The following CD99L2 variants were observed in gnomAD, a reference collection of about 807,000 sequenced individuals.
CD99L2 encodes CD99 antigen-like protein 2.
In CD99L2, 24 loss-of-function variants were observed where a neutral mutation model predicts 27.3. The observed-to-expected ratio is 0.88, with a 90% CI of 0.64 to 1.24. The LOEUF is 1.24. CD99L2 is among the 50% of genes most tolerant of loss of function. The pLI is 0.00. For missense variants in CD99L2, 255 were observed against 221.6 expected, an observed-to-expected ratio of 1.15 and a Z score of -0.96; for synonymous variants, 97 against 87.9, an observed-to-expected ratio of 1.10 and a Z score of -0.58.
rs941555347 is a variant in CD99L2, at chrX:150,873,767, T to C, written c.67+24755A>G. ...GGAGCCAAGCACCCAGAGCATGAGATGGGGAAGAGATGAGTCACATGCCTG... is the reference window on the plus strand; with the variant it reads ...GGAGCCAAGCACCCAGAGCATGAGACGGGGAAGAGATGAGTCACATGCCTG... On this transcript the variant is annotated intron_variant, in intron 1 of 10. Coordinates refer to ENST00000370377, the MANE Select transcript of CD99L2 (RefSeq NM_031462.4). Among the ~76,000 whole-genome samples, 6 of 110,699 alleles carry C rather than the reference T, an allele frequency of 5.4e-5. No homozygotes were observed. In the East Asian group the frequency reaches 1.4e-3, roughly 26 times the overall value.
chrX:150,862,407 A>C (rs2046992811), intron 1 of CD99L2, among the ~76,000 whole-genome samples: 1 of 111,534 alleles, frequency 9.0e-6, no homozygotes, highest in African/African-American at 3.3e-5. Flanking sequence ...AGTCAGTGTC[A>C]TCAGAGTAAT....
chrX:150,780,927 C>T (rs781941573), intron 7 of CD99L2, among the ~76,000 whole-genome samples: 1 of 112,352 alleles, frequency 8.9e-6, no homozygotes, highest in East Asian at 2.8e-4. Flanking sequence ...GAGGTTGGCA[C>T]AACCTTAATG....
intron 7 of CD99L2, among the ~76,000 whole-genome samples, chrX:150,790,170 G>A (rs1043682500): frequency 1.2e-4 from 13 of 110,334 alleles, no homozygotes; most frequent in Non-Finnish European, 2.1e-4. Context: ...ACAAATCAGT[G>A]GTTGCGCTAA....
At chrX:150,829,846 TATC>T (rs782555984) in intron 2 of CD99L2, among the ~76,000 whole-genome samples, 3 of 111,515 alleles carry the variant, frequency 2.7e-5, no homozygotes, top group African/African-American at 9.8e-5. Context: ...TATAAGTAGT[TATC>T]ATTTTTTAAA....
chrX:150,817,086 T>G (rs1449247659), intron 2 of CD99L2, among the ~76,000 whole-genome samples: 1 of 94,692 alleles, frequency 1.1e-5, no homozygotes, highest in South Asian at 6.2e-4. Flanking sequence ...TTAGGAGATA[T>G]ACCTAATGCT....
At chrX:150,810,110 C>T (rs1455702044) in intron 4 of CD99L2, among the ~76,000 whole-genome samples, 1 of 111,875 alleles carries the variant, frequency 8.9e-6, no homozygotes, top group African/African-American at 3.2e-5. Flanking sequence ...CTATCGAAAT[C>T]GAAGTGACAT....
At chrX:150,822,054 T>A (rs1419563654) in intron 2 of CD99L2, among the ~76,000 whole-genome samples, 1 of 112,118 alleles carries the variant, frequency 8.9e-6, no homozygotes, top group African/African-American at 3.2e-5. Flanking sequence ...GGTATTCAAA[T>A]AAGTACGTGT....
In CD99L2 at chrX:150,770,356, T is replaced by C; in HGVS notation, c.669A>G (p.Ala223=). Residue 223 remains alanine, a synonymous_variant, in exon 10 of 11, where the codon GCA becomes GCG. Transcript: ENST00000370377. The stretch of plus-strand genomic sequence containing the variant: ...CCAGGTTCTCTCCCTTCACGTAGTC[T>C]GCGTTGAGACCCTCTGCAAAGGGAA... The part of the protein sequence containing the change: ...FCFSIQQGLN[A]DYVKGENLEA... 1 of 1,211,596 alleles carries C rather than the reference T, an allele frequency of 8.3e-7. No individual in the cohort carries two copies. Among genetic ancestry groups the C allele is most frequent in the Non-Finnish European group, 1.1e-6 (1 of 895,240 alleles).
chrX:150,863,038 C>T (rs368828059), intron 1 of CD99L2, among the ~76,000 whole-genome samples: 1 of 112,268 alleles, frequency 8.9e-6, no homozygotes, highest in East Asian at 2.8e-4. Flanking sequence ...AAAAGAGTGA[C>T]CCTACTTACA....
At chrX:150,876,174 T>G (rs1351406635) in intron 1 of CD99L2, among the ~76,000 whole-genome samples, 6 of 112,179 alleles carry the variant, frequency 5.3e-5, no homozygotes, top group Admixed American at 1.9e-4. Context: ...AGCCTTACAT[T>G]TTTCAGAATG....
At position 150,768,415 on chromosome X, in the gene CD99L2, C is replaced by G. The variant is rs782745882; in HGVS notation, c.*619G>C. ...TTGTACTTAAATCACTGAAAGCCTC[C>G]GCTTGGACCGGCTCTCCGGAAGCCC... On this transcript the variant is annotated 3_prime_UTR_variant, in exon 11 of 11. Coordinates refer to ENST00000370377, the MANE Select transcript of CD99L2 (RefSeq NM_031462.4). 8.9e-6 allele frequency: 1 copy of G among 112,888 alleles called. No homozygotes were observed. The highest frequency in any genetic ancestry group is 1.9e-5 in the Non-Finnish European group (1 of 53,443). The allele number at this position is 112,888 out of a possible 1,213,427, so 9.3% of individuals were successfully genotyped here.
intron 1 of CD99L2, among the ~76,000 whole-genome samples, chrX:150,890,138 G>A (rs782676813): frequency 6.3e-4 from 59 of 94,386 alleles, no homozygotes; most frequent in African/African-American, 2.4e-3. Context: ...GGGCGAGAGC[G>A]AGACTCCGTC....
In CD99L2 at chrX:150,831,313, AT is replaced by A; in HGVS notation, c.68-21del. 2.7e-6 allele frequency: 3 copies of A among 1,121,348 alleles called. No individual in the cohort carries two copies. Among genetic ancestry groups the A allele is most frequent in the Non-Finnish European group, 3.6e-6 (3 of 822,140 alleles). The allele number at this position is 1,121,348 out of a possible 1,213,427, so 92.4% of individuals were successfully genotyped here. Reference sequence around the variant, plus strand: ...CAGATCCTAAAAATTAAAAAAAAAAATTAAACTATCTTTGCATAAAACAAAG... The same window carrying A: ...CAGATCCTAAAAATTAAAAAAAAAAATAAACTATCTTTGCATAAAACAAAG... On this transcript the variant is annotated intron_variant, in intron 1 of 10. Coordinates refer to ENST00000370377, the MANE Select transcript of CD99L2 (RefSeq NM_031462.4).
chrX:150,837,332 C>G (rs2046548320), intron 1 of CD99L2, among the ~76,000 whole-genome samples: 1 of 110,929 alleles, frequency 9.0e-6, no homozygotes, highest in African/African-American at 3.3e-5. Flanking sequence ...TCACTGCAAC[C>G]TCCGCCACCC....
intron 1 of CD99L2, among the ~76,000 whole-genome samples, chrX:150,835,933 T>C: frequency 9.0e-6 from 1 of 111,153 alleles, no homozygotes; most frequent in East Asian, 2.8e-4. Context: ...GGCTACTCTA[T>C]ACTTTGTCAA....
chrX:150,861,956 G>A (rs1013634572), intron 1 of CD99L2, among the ~76,000 whole-genome samples: 1 of 106,986 alleles, frequency 9.3e-6, no homozygotes, highest in Non-Finnish European at 1.9e-5. Context: ...ACACCTCTAC[G>A]CAAATAAACT....
chrX:150,769,276 G>A (rs782317703), intron 10 of CD99L2, among the ~76,000 whole-genome samples, 175 bp from the exon 11 acceptor site: 71 of 112,179 alleles, frequency 6.3e-4, no homozygotes, highest in African/African-American at 2.2e-3. Flanking sequence ...GTCAAGGGGA[G>A]AGAAAGAGAA....
chrX:150,891,206 A>C (rs960843042), intron 1 of CD99L2, among the ~76,000 whole-genome samples: 1 of 112,748 alleles, frequency 8.9e-6, no homozygotes, highest in African/African-American at 3.2e-5. Context: ...TGGCTATAAC[A>C]AAATATACTG....
At chrX:150,807,503 C>T (rs782504060) in intron 4 of CD99L2, among the ~76,000 whole-genome samples, 6 of 112,265 alleles carry the variant, frequency 5.3e-5, no homozygotes, top group Admixed American at 3.8e-4. Context: ...GCTTGCAGCG[C>T]GACCTTGGAC....
Sources: gnomAD v4.1 joint callset for allele counts (sites outside exome capture counted in the v4.1 genomes callset) on GRCh38, gnomAD v4.1.1 for gene constraint, MANE v1.5 for transcripts, NCBI Gene and HGNC (gene_info 2026-07-23, HGNC 2026-07-21) for gene names.